The following FAM107A variants were observed in gnomAD, a reference collection of about 807,000 sequenced individuals.
The protein encoded by FAM107A is actin-associated protein FAM107A.
A neutral mutation model predicts 13.7 loss-of-function variants in FAM107A; 19 were observed. That is an observed-to-expected ratio of 1.38 (90% CI 0.97 to 2.03). FAM107A has a LOEUF of 2.03. Among genes scored for constraint, FAM107A ranks in the 30% most tolerant of loss-of-function variants. FAM107A has a pLI of 0.00. For synonymous variants in FAM107A, 82 were observed against 74.5 expected (o/e 1.10, Z -0.52); for missense variants, 203 against 184.4 (o/e 1.10, Z -0.58).
chr3:58,570,507 C>G (rs1467383941), intron 1 of FAM107A: 7 of 353,060 alleles, frequency 2.0e-5, no homozygotes, highest in Non-Finnish European at 2.4e-5. Flanking sequence ...TGTCAGTTTA[C>G]TTAAAATTCA....
chr3:58,603,722 A>G (rs73076210), intron 1 of FAM107A, among the ~76,000 whole-genome samples: 46,640 of 152,008 alleles, frequency 0.31, 7,844 homozygotes, highest in East Asian at 0.62. Flanking sequence ...AAGTATCTCT[A>G]AGTGAGGTAC....
chr3:58,623,993 G>A (rs902074996), intron 1 of FAM107A, among the ~76,000 whole-genome samples: 3 of 152,234 alleles, frequency 2.0e-5, no homozygotes, highest in Non-Finnish European at 4.4e-5. Flanking sequence ...CGAGGGCACT[G>A]GCCACTGCTG....
At chr3:58,614,481 T>C (rs555147949) in intron 1 of FAM107A, among the ~76,000 whole-genome samples, 28 of 151,892 alleles carry the variant, frequency 1.8e-4, no homozygotes, top group Admixed American at 1.2e-3. Context: ...TAACTCATGA[T>C]TCAATTTCTT....
upstream of FAM107A, among the ~76,000 whole-genome samples, chr3:58,581,619 A>G (rs1463549448): frequency 2.0e-5 from 3 of 152,078 alleles, no homozygotes; most frequent in East Asian, 1.9e-4. Context: ...CCTCTCAAAC[A>G]TGCTCTGCAG....
At chr3:58,614,565 C>T (rs760926166) in intron 1 of FAM107A, among the ~76,000 whole-genome samples, 37 of 149,472 alleles carry the variant, frequency 2.5e-4, no homozygotes, top group Non-Finnish European at 4.1e-4. Flanking sequence ...AGTGTGATGG[C>T]GTGATCTCGG....
At chr3:58,589,674 T>G (rs1466883006), upstream of FAM107A, among the ~76,000 whole-genome samples, 3 of 152,220 alleles carry the variant, frequency 2.0e-5, no homozygotes, top group Non-Finnish European at 4.4e-5. Flanking sequence ...ACCATATTGA[T>G]GCATTATTAC....
At chr3:58,578,429 G>A (rs546454832), upstream of FAM107A, among the ~76,000 whole-genome samples, 13 of 152,152 alleles carry the variant, frequency 8.5e-5, no homozygotes, top group South Asian at 2.1e-3. Flanking sequence ...TTAGCCAGGG[G>A]TGGTGGCACA....
chr3:58,598,685 T>A (rs1442632235), intron 1 of FAM107A, among the ~76,000 whole-genome samples: 2 of 152,232 alleles, frequency 1.3e-5, no homozygotes, highest in African/African-American at 4.8e-5. Context: ...CTCCTTACTG[T>A]CCCAGCCATG....
Position 58,564,226 on chromosome 3 carries a change from C to A in FAM107A, c.*2362G>T, listed in dbSNP as rs1441808831. 1 of 152,206 alleles carries A rather than the reference C, an allele frequency of 6.6e-6. No individual in the cohort carries two copies. Among genetic ancestry groups the A allele is most frequent in the Admixed American group, 6.5e-5 (1 of 15,278 alleles). The allele number at this position is 152,206 out of a possible 1,614,324, so 9.4% of individuals were successfully genotyped here. A position where few individuals can be genotyped will look rare whatever the true frequency, so the allele number is the denominator to read the frequency against. ...GTCAATGACTCTGTGATTCTCTTGG[C>A]CTTTTTGTCATGGTAGCAAAGTGGC... On this transcript the variant is annotated 3_prime_UTR_variant, in exon 4 of 4. Coordinates refer to ENST00000360997, the MANE Select transcript of FAM107A (RefSeq NM_001076778.3). This position sits in a 1 kb window ranked among gnomAD's most constrained non-coding sequence, Gnocchi z 5.6.
In FAM107A at chr3:58,568,327, T is replaced by C. The variant is rs534492663; in HGVS notation, c.171-963A>G. ...GCGGGCACCTGTAGTCCCTGCTACT[T>C]GGGAGGCTGAGGCAGGAGAATGGCA... is the stretch of plus-strand genomic sequence containing the variant. On this transcript the variant is annotated intron_variant, in intron 2 of 3. Transcript: ENST00000360997. Among the ~76,000 whole-genome samples the C allele has an allele frequency of 2.6e-5, 4 of 151,694 alleles. No homozygotes were observed. The South Asian group carries it at 8.4e-4, about 32-fold the overall frequency.
chr3:58,612,760 A>C (rs1429863081), intron 1 of FAM107A, among the ~76,000 whole-genome samples: 2 of 152,156 alleles, frequency 1.3e-5, no homozygotes, highest in African/African-American at 4.8e-5. Context: ...AAAAAGAGCT[A>C]AGTTCACTTT....
At chr3:58,620,709 A>G (rs986456899) in intron 1 of FAM107A, among the ~76,000 whole-genome samples, 1 of 152,196 alleles carries the variant, frequency 6.6e-6, no homozygotes, top group African/African-American at 2.4e-5. Context: ...GGTGGGCCGG[A>G]TGTCCCACTA....
At chr3:58,592,756 A>C (rs1409439291) in intron 1 of FAM107A, among the ~76,000 whole-genome samples, 3 of 152,214 alleles carry the variant, frequency 2.0e-5, no homozygotes, top group Non-Finnish European at 4.4e-5. Context: ...AGGACTGGAC[A>C]GTACTTTTAC....
At chr3:58,614,201 G>A (rs891766847) in intron 1 of FAM107A, among the ~76,000 whole-genome samples, 1 of 152,234 alleles carries the variant, frequency 6.6e-6, no homozygotes, top group Non-Finnish European at 1.5e-5. Context: ...AAGAATTTCT[G>A]TGCCGCCAGG....
chr3:58,594,788 T>A (rs1490917709), intron 1 of FAM107A, among the ~76,000 whole-genome samples: 1 of 152,200 alleles, frequency 6.6e-6, no homozygotes, highest in Non-Finnish European at 1.5e-5. Context: ...TGAAGAGTGT[T>A]GTTTTTACCT....
At chr3:58,614,655 C>T (rs2065885238) in intron 1 of FAM107A, among the ~76,000 whole-genome samples, 1 of 152,026 alleles carries the variant, frequency 6.6e-6, no homozygotes, top group South Asian at 2.1e-4. Flanking sequence ...CAGGTGCCTG[C>T]CACCATGCCT....
At chr3:58,603,164 T>C (rs1226671052) in intron 1 of FAM107A, among the ~76,000 whole-genome samples, 1 of 152,216 alleles carries the variant, frequency 6.6e-6, no homozygotes. Flanking sequence ...GCCTCAACTG[T>C]ATTAAGCAGT....
intron 1 of FAM107A, among the ~76,000 whole-genome samples, chr3:58,621,396 C>T (rs979119585): frequency 6.6e-6 from 1 of 152,158 alleles, no homozygotes; most frequent in Non-Finnish European, 1.5e-5. Flanking sequence ...TAATGCTCTG[C>T]TGTTGCTGTC....
chr3:58,589,027 G>A (rs933705705), upstream of FAM107A, among the ~76,000 whole-genome samples: 10 of 152,276 alleles, frequency 6.6e-5, no homozygotes, highest in African/African-American at 2.4e-4. Context: ...TAATGAGTTG[G>A]TAGTGGAGCC....
Sources: allele counts gnomAD v4.1 joint callset (sites outside exome capture counted in the v4.1 genomes callset), GRCh38; gene constraint gnomAD v4.1.1; non-coding constraint Gnocchi (gnomAD v3.1); transcripts MANE v1.5; gene names NCBI Gene and HGNC (gene_info 2026-07-23, HGNC 2026-07-21).